The following CNTNAP3 variants were observed in gnomAD, a reference collection of about 807,000 sequenced individuals.
CNTNAP3 encodes the protein contactin associated protein family member 3, also known as contactin-associated protein-like 3.
In CNTNAP3, 36 loss-of-function variants were observed where a neutral mutation model predicts 92.1. That is an observed-to-expected ratio of 0.39 (90% CI 0.30 to 0.52). CNTNAP3 has a LOEUF of 0.52. Among genes scored for constraint, CNTNAP3 ranks in the 20% least tolerant of loss-of-function variants. The probability of loss-of-function intolerance (pLI) is 0.76; values close to 1 mark genes in which losing one functional copy is unlikely to be tolerated. For synonymous variants in CNTNAP3, 232 were observed against 422.3 expected (o/e 0.55, Z 5.53); for missense variants, 534 against 1,069.6 (o/e 0.50, Z 6.98).
At chr9:39,134,969 A>G (rs1821395273) in intron 12 of CNTNAP3, among the ~76,000 whole-genome samples, 1 of 152,208 alleles carries the variant, frequency 6.6e-6, no homozygotes, top group African/African-American at 2.4e-5. Context: ...ATTTGCAGTC[A>G]CCCATGGTTA....
chr9:39,104,271 T>G (rs1318942680), intron 15 of CNTNAP3, among the ~76,000 whole-genome samples: 1 of 151,834 alleles, frequency 6.6e-6, no homozygotes, highest in Non-Finnish European at 1.5e-5. Flanking sequence ...AGAAGAAGGG[T>G]GGAGTCTGAG....
chr9:39,090,828 T>G (rs1368082172), intron 18 of CNTNAP3, among the ~76,000 whole-genome samples: 15 of 152,378 alleles, frequency 9.8e-5, no homozygotes, highest in African/African-American at 3.1e-4. Context: ...ATCCATGACA[T>G]GAAATATCTC....
Position 39,117,321 on chromosome 9 carries a change from A to G in CNTNAP3, c.2237+782T>C, listed in dbSNP as rs1052558888. Among the ~76,000 whole-genome samples the G allele has an allele frequency of 6.6e-5, 10 of 152,138 alleles. 1 individual carries two copies. The highest frequency in any genetic ancestry group is 8.8e-5 in the Non-Finnish European group (6 of 67,992). On this transcript the variant is annotated intron_variant, in intron 14 of 23. Transcript: ENST00000297668. ...TTTTTTTTTAAAGCACGTACTCTAC[A>G]TGATCTAGTTGTTTTATGACAATGC...
intron 14 of CNTNAP3, among the ~76,000 whole-genome samples, chr9:39,111,389 T>G (rs552312429): frequency 7.8e-4 from 119 of 152,320 alleles, no homozygotes; most frequent in Admixed American, 1.8e-3. Context: ...TATTTAAGAT[T>G]ATTCCCTGAA....
intron 13 of CNTNAP3, among the ~76,000 whole-genome samples, chr9:39,126,458 T>C (rs988961059): frequency 8.5e-5 from 13 of 152,188 alleles, no homozygotes; most frequent in African/African-American, 3.1e-4. Context: ...TGGGCCAGCA[T>C]TACCCTAATA....
At chr9:39,112,174 A>T (rs1191258204) in intron 14 of CNTNAP3, among the ~76,000 whole-genome samples, 4 of 151,476 alleles carry the variant, frequency 2.6e-5, no homozygotes, top group African/African-American at 7.3e-5. Context: ...CTTTTATTTT[A>T]TATTTTATTA....
chr9:39,084,290 T>C (rs1008291059), intron 21 of CNTNAP3, among the ~76,000 whole-genome samples: 2 of 150,942 alleles, frequency 1.3e-5, no homozygotes, highest in Non-Finnish European at 2.9e-5. Flanking sequence ...CCTCCTGGGT[T>C]CACGCCATTC....
chr9:39,084,421 C>G (rs1309533442), intron 21 of CNTNAP3, among the ~76,000 whole-genome samples: 1 of 151,838 alleles, frequency 6.6e-6, no homozygotes, highest in African/African-American at 2.4e-5. Context: ...GTCTGGATCT[C>G]CTGACCTCGT....
At chr9:39,104,422 A>G (rs1461455479) in intron 15 of CNTNAP3, among the ~76,000 whole-genome samples, 1 of 151,818 alleles carries the variant, frequency 6.6e-6, no homozygotes, top group African/African-American at 2.4e-5. Context: ...GTAGTTGGAT[A>G]AATGACTCCA....
intron 10 of CNTNAP3, 56 bp from the exon 11 acceptor site, chr9:39,144,402 T>G: frequency 1.3e-6 from 2 of 1,511,968 alleles, no homozygotes; most frequent in Non-Finnish European, 1.8e-6. Flanking sequence ...AAAAAATAAG[T>G]GTCTTACCAA....
rs535631601 is a variant in CNTNAP3, at chr9:39,079,028, G to A, written c.3443-108C>T. On this transcript the variant is annotated intron_variant, in intron 21 of 23. Transcript: ENST00000297668. ...ACCCTCGTTCCTTCACTCCAGGAGAGGTCCCTCCGAACCCCTCGTTCCTTC... is the reference window on the plus strand; with the variant it reads ...ACCCTCGTTCCTTCACTCCAGGAGAAGTCCCTCCGAACCCCTCGTTCCTTC... 36 of 1,483,398 alleles carry A rather than the reference G, an allele frequency of 2.4e-5. No homozygotes were observed. In the African/African-American group the frequency reaches 4.5e-4, roughly 19 times the overall value. The allele number at this position is 1,483,398 out of a possible 1,614,324, so 91.9% of individuals were successfully genotyped here. A position where few individuals can be genotyped will look rare whatever the true frequency, so the allele number is the denominator to read the frequency against.
intron 13 of CNTNAP3, among the ~76,000 whole-genome samples, chr9:39,120,757 TA>T (rs1463833352): frequency 6.6e-6 from 1 of 152,058 alleles, no homozygotes; most frequent in Admixed American, 6.6e-5. Context: ...AAAGAATGGC[TA>T]AAGGAGGTTT....
At chr9:39,129,585 A>T (rs1238088380) in intron 13 of CNTNAP3, among the ~76,000 whole-genome samples, 1 of 152,226 alleles carries the variant, frequency 6.6e-6, no homozygotes, top group African/African-American at 2.4e-5. Context: ...AAGAATTTTT[A>T]GAATTGACAC....
chr9:39,165,439 CATCT>C (rs1198622353), intron 9 of CNTNAP3, among the ~76,000 whole-genome samples: 1 of 73,348 alleles, frequency 1.4e-5, no homozygotes, highest in Admixed American at 1.6e-4. Flanking sequence ...AATATTTATC[CATCT>C]ATCTATAAAC....
chr9:39,082,410 T>C (rs1825965930), intron 21 of CNTNAP3, among the ~76,000 whole-genome samples: 2 of 151,990 alleles, frequency 1.3e-5, no homozygotes, highest in South Asian at 4.1e-4. Context: ...TAGTGCAGCC[T>C]CCTCATTTTA....
intron 21 of CNTNAP3, among the ~76,000 whole-genome samples, chr9:39,079,395 T>A (rs544396725): frequency 6.8e-6 from 1 of 147,492 alleles, no homozygotes; most frequent in Non-Finnish European, 1.5e-5. Context: ...CTTAATAAAC[T>A]GTATCTTTTG....
At position 39,140,800 on chromosome 9, in the gene CNTNAP3, A is replaced by G. The variant is rs538807063; in HGVS notation, c.1757-162T>C. On this transcript the variant is annotated intron_variant, in intron 11 of 23. Coordinates refer to ENST00000297668, the MANE Select transcript of CNTNAP3 (RefSeq NM_033655.5). The stretch of plus-strand genomic sequence containing the variant: ...ATTTGATGAGATGCAAAAAAATGAC[A>G]TTTAAAAAATTAAATCTATTTTTAT... Among the ~76,000 whole-genome samples, 25 of 152,362 alleles carry G rather than the reference A, an allele frequency of 1.6e-4. No homozygotes were observed. The South Asian group carries it at 4.6e-3, about 28-fold the overall frequency.
At chr9:39,145,085 C>T (rs1821667364) in intron 10 of CNTNAP3, among the ~76,000 whole-genome samples, 1 of 139,600 alleles carries the variant, frequency 7.2e-6, no homozygotes, top group Non-Finnish European at 1.6e-5. Flanking sequence ...TTGGAATCTG[C>T]TGCCGCCCAC....
chr9:39,113,490 C>T (rs36066330), intron 14 of CNTNAP3, among the ~76,000 whole-genome samples: 3,332 of 151,952 alleles, frequency 0.022, 75 homozygotes, highest in East Asian at 0.11. Context: ...AGCAAACTTA[C>T]TGAACTCTCA....
Sources: allele counts gnomAD v4.1 joint callset (sites outside exome capture counted in the v4.1 genomes callset), GRCh38; gene constraint gnomAD v4.1.1; transcripts MANE v1.5; gene names NCBI Gene and HGNC (gene_info 2026-07-23, HGNC 2026-07-21).